Variants in SYCP2L observed in about 807,000 individuals in gnomAD.
The protein encoded by SYCP2L is synaptonemal complex protein 2 like.
Under a neutral mutation model 125.8 loss-of-function variants are expected in SYCP2L, and 98 were observed. That is an observed-to-expected ratio of 0.78 (90% CI 0.66 to 0.92). The LOEUF is 0.92. Among genes scored for constraint, SYCP2L ranks in the 40% least tolerant of loss-of-function variants. The probability of loss-of-function intolerance (pLI) is 0.00; values close to 1 mark genes in which losing one functional copy is unlikely to be tolerated. For synonymous variants in SYCP2L, 317 were observed against 325.4 expected (o/e 0.97, Z 0.28); for missense variants, 842 against 936.4 (o/e 0.90, Z 1.32).
In SYCP2L at chr6:10,958,830, C is replaced by T. The variant is rs186632022; in HGVS notation, c.2210C>T (p.Ala737Val). The T allele has an allele frequency of 1.2e-6, 2 of 1,613,668 alleles. No homozygotes were observed. The highest frequency in any genetic ancestry group is 2.7e-5 in the African/African-American group (2 of 74,996). The change falls in exon 26 of 30, where the codon GCA (alanine) becomes GTA (valine). Residue 737 changes from alanine to valine, a missense_variant. By Grantham distance (64) the Ala-to-Val change is moderately conservative (BLOSUM62 0). Transcript: ENST00000283141. ...RPFNSENAKKAPDCLIKLLNQ... is the reference protein window; with the variant it reads ...RPFNSENAKKVPDCLIKLLNQ... Reference sequence around the variant, plus strand: ...TTTAATTCAGAAAATGCAAAGAAAGCACCGGATTGCCTAATAAAACTTTTA... The same window carrying T: ...TTTAATTCAGAAAATGCAAAGAAAGTACCGGATTGCCTAATAAAACTTTTA...
chr6:10,915,819 G>A (rs1265102443), intron 14 of SYCP2L, among the ~76,000 whole-genome samples: 1 of 152,118 alleles, frequency 6.6e-6, no homozygotes, highest in East Asian at 1.9e-4. Flanking sequence ...TGGTATTAGG[G>A]TGATACTGGC....
chr6:10,935,074 C>T lies in SYCP2L; in HGVS notation c.1700C>T (p.Pro567Leu). The change falls in exon 21 of 30, where the codon CCA becomes CTA. Residue 567 changes from proline to leucine, a missense_variant. Physicochemically the swap from Pro to Leu is moderately conservative, Grantham distance 98. Transcript: ENST00000283141. ...ATATTTTAGGCTAAGCTTCTATCACCATCAGAGAAAGAAATACCCGAGCAA... is the reference window on the plus strand; with the variant it reads ...ATATTTTAGGCTAAGCTTCTATCACTATCAGAGAAAGAAATACCCGAGCAA... The part of the protein sequence containing the change: ...HEKDQAKLLS[P>L]SEKEIPEQNN... 3 of 1,609,264 alleles carry T rather than the reference C, an allele frequency of 1.9e-6. No homozygotes were observed. The highest frequency in any genetic ancestry group is 2.5e-6 in the Non-Finnish European group (3 of 1,178,162).
chr6:10,912,819 T>C lies in SYCP2L; in HGVS notation c.1012-48T>C. 2 of 1,607,994 alleles carry C rather than the reference T, an allele frequency of 1.2e-6. No homozygotes were observed. Among genetic ancestry groups the C allele is most frequent in the Non-Finnish European group, 1.7e-6 (2 of 1,174,898 alleles). On this transcript the variant is annotated intron_variant, in intron 13 of 29. Coordinates refer to ENST00000283141, the MANE Select transcript of SYCP2L (RefSeq NM_001040274.3). The surrounding 1 kb of genome is among the most constrained non-coding windows in gnomAD (Gnocchi z 4.1). ...TAAGCCTTTAGAGATCTTTTTTATGTAAGTATGTGTTTTGCACTCATGAAT... is the reference window on the plus strand; with the variant it reads ...TAAGCCTTTAGAGATCTTTTTTATGCAAGTATGTGTTTTGCACTCATGAAT...
chr6:10,894,624 C>T (rs1780226931), intron 4 of SYCP2L, among the ~76,000 whole-genome samples: 1 of 152,154 alleles, frequency 6.6e-6, no homozygotes, highest in Non-Finnish European at 1.5e-5. Flanking sequence ...ATTTTCTAAA[C>T]CTTGGATGAA....
chr6:10,895,926 G>A (rs1780251393), intron 4 of SYCP2L, among the ~76,000 whole-genome samples: 1 of 152,144 alleles, frequency 6.6e-6, no homozygotes, highest in African/African-American at 2.4e-5. Context: ...GTTGAGGTGG[G>A]CAGATCACCT....
rs1016015910 is a variant in SYCP2L at position 10,954,672 on chromosome 6, C to T, written c.1955-444C>T. Among the ~76,000 whole-genome samples, 2 of 152,322 alleles carry T rather than the reference C, an allele frequency of 1.3e-5. No individual in the cohort carries two copies. Among genetic ancestry groups the T allele is most frequent in the East Asian group, 1.9e-4 (1 of 5,184 alleles). ...GGAGGCAAGATGGCCTCGTTTATGACGTAGCCTTCAGCATAGCGCCGATGT... is the reference window on the plus strand; with the variant it reads ...GGAGGCAAGATGGCCTCGTTTATGATGTAGCCTTCAGCATAGCGCCGATGT... On this transcript the variant is annotated intron_variant, in intron 23 of 29. Transcript: ENST00000283141. This position sits in a 1 kb window ranked among gnomAD's most constrained non-coding sequence, Gnocchi z 4.8.
chr6:10,953,011 T>G (rs1007323), intron 23 of SYCP2L, among the ~76,000 whole-genome samples: 59,335 of 151,946 alleles, frequency 0.39, 12,157 homozygotes, highest in Non-Finnish European at 0.45. Flanking sequence ...TGGCTGTTTC[T>G]TTTCTAAGTT....
intron 19 of SYCP2L, among the ~76,000 whole-genome samples, chr6:10,930,875 G>A (rs1420889126): frequency 6.6e-6 from 1 of 152,186 alleles, no homozygotes; most frequent in African/African-American, 2.4e-5. Flanking sequence ...GCATTCTTAG[G>A]TAGGTAAAAC....
intron 8 of SYCP2L, among the ~76,000 whole-genome samples, chr6:10,904,305 CG>C: frequency 6.6e-6 from 1 of 152,244 alleles, no homozygotes; most frequent in South Asian, 2.1e-4. Context: ...AAACCAGCAC[CG>C]TGTTTTGAAG....
chr6:10,941,238 A>G (rs951813560), intron 21 of SYCP2L, among the ~76,000 whole-genome samples: 1 of 152,234 alleles, frequency 6.6e-6, no homozygotes, highest in African/African-American at 2.4e-5. Flanking sequence ...GGACACAGGC[A>G]TGGGCAAGGA....
Position 10,930,427 on chromosome 6 carries a change from G to T in SYCP2L, c.1546G>T (p.Glu516Ter). 6.2e-7 allele frequency: 1 copy of T among 1,613,650 alleles called. No individual in the cohort carries two copies. The highest frequency in any genetic ancestry group is 1.1e-5 in the South Asian group (1 of 91,014). The change falls in exon 19 of 30, where the codon GAA becomes TAA. Residue 516 changes from glutamate to a stop codon, truncating the protein, a stop_gained. Transcript: ENST00000283141. LOFTEE classifies it high-confidence loss of function. Reference protein sequence around the residue: ...SESNQDSSTSELSWTSNQKKK... With the variant: ...SESNQDSSTS ...GAGTAATCAAGATTCAAGTACCAGT[G>T]AACTATCTTGGACCAGTAACCAGAA...
chr6:10,955,414 C>A (rs1254004170), intron 24 of SYCP2L, among the ~76,000 whole-genome samples, 197 bp downstream of exon 24: 3 of 152,064 alleles, frequency 2.0e-5, no homozygotes, highest in African/African-American at 7.2e-5. Context: ...TGCCATTATC[C>A]CCTAGCATTT....
At position 10,891,571 on chromosome 6, in the gene SYCP2L, A is replaced by G. The variant is rs1210991217; in HGVS notation, c.68A>G (p.Asp23Gly). The G allele has an allele frequency of 1.3e-6, 2 of 1,596,992 alleles. No individual in the cohort carries two copies. Among genetic ancestry groups the G allele is most frequent in the Non-Finnish European group, 1.7e-6 (2 of 1,167,812 alleles). Residue 23 changes from aspartate to glycine, a missense_variant, in exon 2 of 30, where the codon GAT becomes GGT. By Grantham distance (94) the Asp-to-Gly change is moderately conservative (BLOSUM62 -1). Coordinates refer to ENST00000283141, the MANE Select transcript of SYCP2L (RefSeq NM_001040274.3). The stretch of plus-strand genomic sequence containing the variant: ...GACAGGACTGGGAAGGCCCAGGATG[A>G]TGCTTTCTGGGTAAAGATCAAGTTT... The part of the protein sequence containing the change: ...KEDRTGKAQD[D>G]AFWLQSLITD...
In SYCP2L at chr6:10,954,577, A is replaced by G. The variant is rs146584524; in HGVS notation, c.1955-539A>G. 6.6e-6 allele frequency among the ~76,000 whole-genome samples: 1 copy of G among 152,272 alleles called. No homozygotes were observed. Among genetic ancestry groups the G allele is most frequent in the East Asian group, 1.9e-4 (1 of 5,182 alleles). Reference sequence around the variant, plus strand: ...GATAAAAGTGAACATCAGAATAGAAAATATTTAGTGTTATGCTGAATTGAA... The same window carrying G: ...GATAAAAGTGAACATCAGAATAGAAGATATTTAGTGTTATGCTGAATTGAA... On this transcript the variant is annotated intron_variant, in intron 23 of 29. Transcript: ENST00000283141. The surrounding 1 kb of genome is among the most constrained non-coding windows in gnomAD (Gnocchi z 4.8).
At chr6:10,887,345 G>C (rs1329948366) in intron 1 of SYCP2L, among the ~76,000 whole-genome samples, 8 of 152,216 alleles carry the variant, frequency 5.3e-5, no homozygotes, top group Admixed American at 3.3e-4. Context: ...CGGATCCCTA[G>C]CTAAATAGCG....
chr6:10,902,727 A>G lies in SYCP2L; in HGVS notation c.517A>G (p.Thr173Ala). Residue 173 changes from threonine to alanine, a missense_variant, in exon 7 of 30, where the codon ACA becomes GCA. Coordinates refer to ENST00000283141, the MANE Select transcript of SYCP2L (RefSeq NM_001040274.3). ...SFLLSLGFLV[T>A]EKTVNHLLQQ... ...CCTACTTAGCTTAGGATTCCTGGTG[A>G]CAGAAAAGACTGTAAATCATTTGCT... 4 of 1,614,218 alleles carry G rather than the reference A, an allele frequency of 2.5e-6. No homozygotes were observed. The South Asian group carries it at 4.4e-5, about 18-fold the overall frequency.
chr6:10,954,989 A>G lies in SYCP2L; in HGVS notation c.1955-127A>G. The G allele has an allele frequency of 1.5e-6, 1 of 680,354 alleles. No homozygotes were observed. The highest frequency in any genetic ancestry group is 2.6e-6 in the Non-Finnish European group (1 of 378,618). 42.1% of individuals were successfully genotyped at this position (680,354 alleles called of 1,614,324 possible). On this transcript the variant is annotated intron_variant, in intron 23 of 29. Transcript: ENST00000283141. This position sits in a 1 kb window ranked among gnomAD's most constrained non-coding sequence, Gnocchi z 4.8. The stretch of plus-strand genomic sequence containing the variant: ...GGTTTGTGCCTAGTCGATGCACCGA[A>G]TGATAACTCATTAGCAACAGGCAGG...
intron 17 of SYCP2L, 55 bp from the exon 18 acceptor site, chr6:10,928,348 T>G (rs936598278): frequency 1.7e-5 from 14 of 823,054 alleles, no homozygotes; most frequent in Middle Eastern, 3.5e-4. Flanking sequence ...AGTATTAATT[T>G]GGGGAACTAA....
At position 10,912,625 on chromosome 6, in the gene SYCP2L, T is replaced by C. The variant is rs768556408; in HGVS notation, c.919-48T>C. On this transcript the variant is annotated intron_variant, in intron 12 of 29. Transcript: ENST00000283141. The surrounding 1 kb of genome is among the most constrained non-coding windows in gnomAD (Gnocchi z 4.1). The stretch of plus-strand genomic sequence containing the variant: ...AGGGAATAATGTTTATCTGACCCTA[T>C]AGCATGATTTTTATGTGTATAAGTC... The C allele has an allele frequency of 3.0e-6, 4 of 1,331,696 alleles. No individual in the cohort carries two copies. The East Asian group carries it at 9.2e-5, about 31-fold the overall frequency. The allele number at this position is 1,331,696 out of a possible 1,614,324, so 82.5% of individuals were successfully genotyped here.
Sources: allele counts gnomAD v4.1 joint callset (sites outside exome capture counted in the v4.1 genomes callset), GRCh38; gene constraint gnomAD v4.1.1; non-coding constraint Gnocchi (gnomAD v3.1); transcripts MANE v1.5; gene names NCBI Gene and HGNC (gene_info 2026-07-23, HGNC 2026-07-21).